Variants in MRPL1 observed in about 807,000 individuals in gnomAD.
MRPL1 encodes the protein large ribosomal subunit protein uL1m.
MRPL1 carries 28 observed loss-of-function variants against 38.0 expected under a neutral mutation model. The observed-to-expected ratio is 0.74, with a 90% confidence interval of 0.55 to 1.01. MRPL1 has a LOEUF of 1.01. Among genes scored for constraint, MRPL1 ranks in the 50% least tolerant of loss-of-function variants. MRPL1 has a pLI of 0.00. For missense variants in MRPL1, 358 were observed against 389.8 expected, an observed-to-expected ratio of 0.92 and a Z score of 0.69; for synonymous variants, 123 against 126.7, an observed-to-expected ratio of 0.97 and a Z score of 0.20.
At chr4:77,929,773 A>AAG (rs921954300) in intron 7 of MRPL1, among the ~76,000 whole-genome samples, 5 of 151,900 alleles carry the variant, frequency 3.3e-5, no homozygotes, top group African/African-American at 9.7e-5. Context: ...TTTATTTAAA[A>AAG]AAAAAAATAG....
intron 7 of MRPL1, among the ~76,000 whole-genome samples, chr4:77,935,583 A>G (rs1025608219): frequency 5.3e-5 from 8 of 151,968 alleles, no homozygotes; most frequent in Non-Finnish European, 1.2e-4. Context: ...TTTAGTAGAG[A>G]TAGGGTTTCG....
intron 4 of MRPL1, among the ~76,000 whole-genome samples, chr4:77,886,979 G>A (rs28403929): frequency 0.06 from 9,088 of 151,648 alleles, 326 homozygotes; most frequent in Non-Finnish European, 0.085. Context: ...TTTTAGTAGA[G>A]ACAGTTTTGC....
chr4:77,877,610 A>C lies in MRPL1; in HGVS notation c.144-5632A>C, dbSNP rs1457674082. Among the ~76,000 whole-genome samples, 3 of 125,390 alleles carry C rather than the reference A, an allele frequency of 2.4e-5. No homozygotes were observed. In the South Asian group the frequency reaches 7.9e-4, roughly 33 times the overall value. 82.3% of individuals were successfully genotyped at this position (125,390 alleles called of 152,430 possible). A position where few individuals can be genotyped will look rare whatever the true frequency, so the allele number is the denominator to read the frequency against. ...AGGGATTTTTTTTTTTTTTTTTTTT[A>C]AATAAATGCAGCCCTAGTCTTAAGT... On this transcript the variant is annotated intron_variant, in intron 2 of 8. Coordinates refer to ENST00000315567, the MANE Select transcript of MRPL1 (RefSeq NM_020236.4).
intron 7 of MRPL1, among the ~76,000 whole-genome samples, chr4:77,920,051 T>C (rs1392963214): frequency 5.9e-5 from 9 of 152,166 alleles, no homozygotes; most frequent in African/African-American, 2.2e-4. Context: ...GCATAGGTAA[T>C]GCACACTGGA....
intron 7 of MRPL1, among the ~76,000 whole-genome samples, chr4:77,926,425 C>T (rs1736712646): frequency 6.6e-6 from 1 of 152,112 alleles, no homozygotes; most frequent in African/African-American, 2.4e-5. Flanking sequence ...AGGTTTAGTT[C>T]AAGGATCTAA....
At chr4:77,948,373 G>T (rs1173000339) in intron 7 of MRPL1, among the ~76,000 whole-genome samples, 1 of 152,112 alleles carries the variant, frequency 6.6e-6, no homozygotes, top group Non-Finnish European at 1.5e-5. Context: ...AATATGTAAG[G>T]TGCCTTCCCT....
chr4:77,900,759 G>A (rs1419097207), intron 6 of MRPL1, among the ~76,000 whole-genome samples: 1 of 152,160 alleles, frequency 6.6e-6, no homozygotes, highest in Non-Finnish European at 1.5e-5. Flanking sequence ...TAGCTCAGAA[G>A]AATGATGTAA....
At chr4:77,893,575 A>G (rs899969765) in intron 5 of MRPL1, among the ~76,000 whole-genome samples, 1 of 151,786 alleles carries the variant, frequency 6.6e-6, no homozygotes, top group African/African-American at 2.4e-5. Context: ...AGTATGGATA[A>G]TAAACTATAA....
intron 5 of MRPL1, among the ~76,000 whole-genome samples, chr4:77,887,851 A>G (rs1430921880): frequency 1.3e-5 from 2 of 152,064 alleles, no homozygotes; most frequent in African/African-American, 4.8e-5. Flanking sequence ...TACTTGAATT[A>G]TTATTGTGAT....
intron 1 of MRPL1, chr4:77,864,890 CTTT>C (rs112779226): frequency 2.2e-5 from 3 of 135,588 alleles, no homozygotes; most frequent in Non-Finnish European, 1.6e-5. Context: ...TTGTGTATAT[CTTT>C]TTTTTTTTTT....
intron 7 of MRPL1, among the ~76,000 whole-genome samples, chr4:77,916,014 A>T (rs1347210145): frequency 1.3e-5 from 2 of 152,232 alleles, no homozygotes; most frequent in African/African-American, 4.8e-5. Flanking sequence ...AACTGAAAAT[A>T]AAGAGCTACA....
intron 7 of MRPL1, among the ~76,000 whole-genome samples, chr4:77,943,093 G>C (rs1737173314): frequency 6.6e-6 from 1 of 152,060 alleles, no homozygotes; most frequent in Non-Finnish European, 1.5e-5. Flanking sequence ...AATTCTCTCA[G>C]CATTTGTTTG....
chr4:77,918,636 GATCATA>G (rs1391101580), intron 7 of MRPL1, among the ~76,000 whole-genome samples: 1 of 152,100 alleles, frequency 6.6e-6, no homozygotes, highest in African/African-American at 2.4e-5. Flanking sequence ...GTGATCATGT[GATCATA>G]TACCTGGCTA....
At chr4:77,916,762 T>G (rs1183096586) in intron 7 of MRPL1, among the ~76,000 whole-genome samples, 1 of 152,210 alleles carries the variant, frequency 6.6e-6, no homozygotes, top group Non-Finnish European at 1.5e-5. Context: ...CGATTTTTGC[T>G]ATTGCAAATG....
chr4:77,906,838 A>G (rs2110246944), intron 6 of MRPL1: 1 of 371,050 alleles, frequency 2.7e-6, no homozygotes, highest in East Asian at 1.6e-4. Flanking sequence ...TTACTAGTAT[A>G]CAATTTTATC....
intron 7 of MRPL1, among the ~76,000 whole-genome samples, chr4:77,946,684 C>A (rs1485770773): frequency 1.3e-5 from 2 of 152,200 alleles, no homozygotes; most frequent in African/African-American, 4.8e-5. Context: ...AGTCCCTCCC[C>A]TCCATTCAGG....
At position 77,926,901 on chromosome 4, in the gene MRPL1, A is replaced by G. The variant is rs567518785; in HGVS notation, c.777+17529A>G. On this transcript the variant is annotated intron_variant, in intron 7 of 8. Transcript: ENST00000315567. ...TGGGATTTCGGGCGTGAGCTGCCTC[A>G]TCTGGCCTATAACTTGTTTTTGATG... Among the ~76,000 whole-genome samples, 3 of 152,128 alleles carry G rather than the reference A, an allele frequency of 2.0e-5. No individual in the cohort carries two copies. The South Asian group carries it at 6.2e-4, about 32-fold the overall frequency.
At position 77,901,312 on chromosome 4, in the gene MRPL1, T is replaced by A. The variant is rs1284440970; in HGVS notation, c.670+7062T>A. ...AGGAATAAAAATGATATGCTAAAAT[T>A]TTTTTATTTAATAAGCCTGTAAAGG... On this transcript the variant is annotated intron_variant, in intron 6 of 8. Coordinates refer to ENST00000315567, the MANE Select transcript of MRPL1 (RefSeq NM_020236.4). Among the ~76,000 whole-genome samples the A allele has an allele frequency of 2.0e-5, 3 of 152,156 alleles. No homozygotes were observed. In the South Asian group the frequency reaches 6.2e-4, roughly 32 times the overall value.
chr4:77,894,952 A>G (rs1300590041), intron 6 of MRPL1, among the ~76,000 whole-genome samples: 1 of 152,126 alleles, frequency 6.6e-6, no homozygotes, highest in Non-Finnish European at 1.5e-5. Flanking sequence ...GTAAGTCAGA[A>G]ATCATAGGCC....
Sources: gnomAD v4.1 joint callset for allele counts (sites outside exome capture counted in the v4.1 genomes callset) on GRCh38, gnomAD v4.1.1 for gene constraint, MANE v1.5 for transcripts, NCBI Gene and HGNC (gene_info 2026-07-23, HGNC 2026-07-21) for gene names.